The following CNTN3 variants were observed in gnomAD, a reference collection of about 807,000 sequenced individuals.
CNTN3 encodes contactin 3, also known as contactin-3.
CNTN3 carries 60 observed loss-of-function variants against 119.1 expected under a neutral mutation model. The ratio of observed to expected loss-of-function variants is 0.50; its 90% CI spans 0.41 to 0.62. The LOEUF (loss-of-function observed/expected upper bound fraction) is 0.62, where lower values mean the gene tolerates loss of function less well. Ranked by LOEUF, CNTN3 falls within the 20% of genes least tolerant of loss-of-function variation. The probability of loss-of-function intolerance (pLI) is 0.00; values close to 1 mark genes in which losing one functional copy is unlikely to be tolerated. For synonymous variants in CNTN3, 450 were observed against 438.7 expected (o/e 1.03, Z -0.32); for missense variants, 1,101 against 1,242.4 (o/e 0.89, Z 1.71).
At chr3:74,476,847 A>G (rs1267485246) in intron 4 of CNTN3, among the ~76,000 whole-genome samples, 1 of 152,170 alleles carries the variant, frequency 6.6e-6, no homozygotes, top group Non-Finnish European at 1.5e-5. Flanking sequence ...AAGAATTAAT[A>G]TAGTATAGGC....
At chr3:74,368,061 T>C (rs1242103602) in intron 8 of CNTN3, among the ~76,000 whole-genome samples, 2 of 152,026 alleles carry the variant, frequency 1.3e-5, no homozygotes, top group African/African-American at 4.8e-5. Flanking sequence ...CTGTGCTATA[T>C]ACATTCTAAA....
intron 20 of CNTN3, among the ~76,000 whole-genome samples, chr3:74,281,098 G>T (rs1174589988): frequency 6.6e-6 from 1 of 152,178 alleles, no homozygotes; most frequent in Admixed American, 6.5e-5. Context: ...AGAGATTGGG[G>T]AGTGGATTGT....
intron 4 of CNTN3, among the ~76,000 whole-genome samples, chr3:74,436,239 C>T (rs377012715): frequency 1.3e-5 from 2 of 152,106 alleles, no homozygotes; most frequent in East Asian, 3.9e-4. Flanking sequence ...CTAAAAATAC[C>T]CCTCCTATGT....
In CNTN3 at chr3:74,266,685, T is replaced by C. The variant is rs759716151; in HGVS notation, c.2818-36A>G. ...TGAACAAATACACTTACTTGTTATA[T>C]TGCCCATTTTTGTTTTCTTCATAGA... On this transcript the variant is annotated intron_variant, in intron 21 of 22. Transcript: ENST00000263665. The C allele has an allele frequency of 6.9e-5, 109 of 1,588,652 alleles. 2 individuals carry two copies. In the South Asian group the frequency reaches 1.2e-3, roughly 17 times the overall value.
chr3:74,265,203 T>A (rs943792104), intron 22 of CNTN3, among the ~76,000 whole-genome samples: 1 of 152,148 alleles, frequency 6.6e-6, no homozygotes, highest in African/African-American at 2.4e-5. Flanking sequence ...AGCTTCGTTT[T>A]CATAGAGATG....
chr3:74,486,715 T>C lies in CNTN3; in HGVS notation c.183-84A>G, dbSNP rs1271603945. 3 of 1,161,348 alleles carry C rather than the reference T, an allele frequency of 2.6e-6. No homozygotes were observed. The East Asian group carries it at 7.9e-5, about 31-fold the overall frequency. The allele number at this position is 1,161,348 out of a possible 1,614,324, so 71.9% of individuals were successfully genotyped here. A position where few individuals can be genotyped will look rare whatever the true frequency, so the allele number is the denominator to read the frequency against. On this transcript the variant is annotated intron_variant, in intron 3 of 22. Coordinates refer to ENST00000263665, the MANE Select transcript of CNTN3 (RefSeq NM_020872.3). The stretch of plus-strand genomic sequence containing the variant: ...TCCATTATAAAATCTACTTTAAACA[T>C]TATCCCTCAAAAGTAAAAAGTGATA...
intron 13 of CNTN3, among the ~76,000 whole-genome samples, chr3:74,315,375 G>A (rs1366947802): frequency 6.6e-6 from 1 of 152,098 alleles, no homozygotes; most frequent in Non-Finnish European, 1.5e-5. Context: ...TGATAAACTT[G>A]TTTTCTCTTT....
At chr3:74,529,667 T>A (rs1167530837) in intron 1 of CNTN3, among the ~76,000 whole-genome samples, 1 of 151,890 alleles carries the variant, frequency 6.6e-6, no homozygotes, top group African/African-American at 2.4e-5. Flanking sequence ...AATGAAACAT[T>A]TTTAAAAGAA....
intron 1 of CNTN3, among the ~76,000 whole-genome samples, chr3:74,579,285 T>C (rs116103974): frequency 0.026 from 3,889 of 151,274 alleles, 78 homozygotes; most frequent in South Asian, 0.042. Flanking sequence ...AAGAGAAAAA[T>C]TGAAAATCCA....
chr3:74,523,454 A>C (rs1005915289), intron 1 of CNTN3, among the ~76,000 whole-genome samples: 4 of 151,920 alleles, frequency 2.6e-5, no homozygotes, highest in Non-Finnish European at 5.9e-5. Context: ...AATGATAGTA[A>C]CATGCACTAA....
At chr3:74,366,118 T>C (rs1226397698) in intron 8 of CNTN3, among the ~76,000 whole-genome samples, 1 of 152,102 alleles carries the variant, frequency 6.6e-6, no homozygotes, top group Non-Finnish European at 1.5e-5. Context: ...TTGTTCTTAA[T>C]TATGAACTAA....
chr3:74,600,852 A>C (rs772742426), intron 1 of CNTN3, among the ~76,000 whole-genome samples: 1 of 151,834 alleles, frequency 6.6e-6, no homozygotes, highest in Non-Finnish European at 1.5e-5. Flanking sequence ...TTGACTTCCA[A>C]CTCTCCAAAT....
intron 13 of CNTN3, among the ~76,000 whole-genome samples, chr3:74,329,626 C>T (rs1703213690): frequency 6.6e-6 from 1 of 152,118 alleles, no homozygotes; most frequent in South Asian, 2.1e-4. Context: ...ACTTAAATTA[C>T]CAGGCCCTAG....
chr3:74,523,130 T>A (rs2107125048), intron 1 of CNTN3, among the ~76,000 whole-genome samples: 1 of 151,938 alleles, frequency 6.6e-6, no homozygotes. Context: ...ACATATCCTA[T>A]GTCCACAATT....
At chr3:74,542,277 T>C (rs1703853814) in intron 1 of CNTN3, among the ~76,000 whole-genome samples, 1 of 152,132 alleles carries the variant, frequency 6.6e-6, no homozygotes, top group African/African-American at 2.4e-5. Flanking sequence ...AAAAGGGGCT[T>C]AATGAAACAC....
At chr3:74,281,250 G>A (rs1702001827) in intron 20 of CNTN3, among the ~76,000 whole-genome samples, 1 of 152,180 alleles carries the variant, frequency 6.6e-6, no homozygotes, top group South Asian at 2.1e-4. Context: ...AGAGGCCATT[G>A]CCCTGATCTA....
intron 4 of CNTN3, among the ~76,000 whole-genome samples, chr3:74,427,503 A>G (rs946112772): frequency 4.6e-5 from 7 of 152,200 alleles, no homozygotes; most frequent in African/African-American, 1.4e-4. Context: ...ATGTCTAAAA[A>G]GCTTCAGATC....
At chr3:74,438,056 C>T (rs1701901445) in intron 4 of CNTN3, among the ~76,000 whole-genome samples, 1 of 152,186 alleles carries the variant, frequency 6.6e-6, no homozygotes, top group African/African-American at 2.4e-5. Context: ...GGTCTTCTCA[C>T]TTAGTAACAT....
intron 4 of CNTN3, among the ~76,000 whole-genome samples, chr3:74,479,619 T>TG (rs1258391055): frequency 1.3e-5 from 2 of 151,956 alleles, no homozygotes; most frequent in Admixed American, 1.3e-4. Flanking sequence ...TTTTAGGACA[T>TG]GGAGGACATG....
Sources: gnomAD v4.1 joint callset for allele counts (sites outside exome capture counted in the v4.1 genomes callset) on GRCh38, gnomAD v4.1.1 for gene constraint, MANE v1.5 for transcripts, NCBI Gene and HGNC (gene_info 2026-07-23, HGNC 2026-07-21) for gene names.